The following GALNTL6 variants were observed in gnomAD, a reference collection of about 807,000 sequenced individuals.
The protein encoded by GALNTL6 is polypeptide N-acetylgalactosaminyltransferase like 6.
A neutral mutation model predicts 73.7 loss-of-function variants in GALNTL6; 46 were observed. That is an observed-to-expected ratio of 0.62 (90% CI 0.49 to 0.80). The LOEUF (loss-of-function observed/expected upper bound fraction) is 0.80. Among genes scored for constraint, GALNTL6 ranks in the 30% least tolerant of loss-of-function variants. The pLI is 0.00. For synonymous variants in GALNTL6, 259 were observed against 263.7 expected, an observed-to-expected ratio of 0.98 and a Z score of 0.17; for missense variants, 604 against 755.0, an observed-to-expected ratio of 0.80 and a Z score of 2.34.
chr4:172,644,099 T>A (rs1740115217), intron 5 of GALNTL6, among the ~76,000 whole-genome samples: 1 of 151,960 alleles, frequency 6.6e-6, no homozygotes, highest in Non-Finnish European at 1.5e-5. Flanking sequence ...TGTGTAATGG[T>A]ATCATATTGG....
chr4:172,624,364 G>A (rs1389658134), intron 5 of GALNTL6, among the ~76,000 whole-genome samples: 1 of 151,348 alleles, frequency 6.6e-6, no homozygotes, highest in Non-Finnish European at 1.5e-5. Flanking sequence ...CAATTGTGTG[G>A]TTTTTGGTTC....
At chr4:172,322,687 A>T (rs903503540) in intron 4 of GALNTL6, among the ~76,000 whole-genome samples, 2 of 152,044 alleles carry the variant, frequency 1.3e-5, no homozygotes, top group Non-Finnish European at 1.5e-5. Context: ...TCTCGTGAGA[A>T]TTCTATGGGA....
rs558729571 is a variant in GALNTL6, at chr4:171,883,387, A to G, written c.138+68669A>G. Among the ~76,000 whole-genome samples the G allele has an allele frequency of 2.2e-4, 34 of 152,144 alleles. 1 individual carries two copies. The highest frequency in any genetic ancestry group is 6.5e-4 in the African/African-American group (27 of 41,514). On this transcript the variant is annotated intron_variant, in intron 2 of 12. Transcript: ENST00000506823. ...TAAAAATAAAAGTAAAATAAAATACATTACTTTTGGACAGGGAACATGTCT... is the reference window on the plus strand; with the variant it reads ...TAAAAATAAAAGTAAAATAAAATACGTTACTTTTGGACAGGGAACATGTCT...
chr4:172,976,965 C>T (rs1579733456), intron 10 of GALNTL6, among the ~76,000 whole-genome samples: 1 of 152,208 alleles, frequency 6.6e-6, no homozygotes, highest in East Asian at 1.9e-4. Flanking sequence ...TGAGTAAAAT[C>T]AGTGCATTTG....
At chr4:173,018,881 T>C (rs907201265) in intron 11 of GALNTL6, among the ~76,000 whole-genome samples, 19 of 152,176 alleles carry the variant, frequency 1.2e-4, no homozygotes, top group African/African-American at 4.1e-4. Flanking sequence ...CTAGGGGTTA[T>C]GTGAAAAGGT....
intron 2 of GALNTL6, among the ~76,000 whole-genome samples, chr4:171,884,187 C>A (rs1164842594): frequency 6.6e-6 from 1 of 152,152 alleles, no homozygotes; most frequent in African/African-American, 2.4e-5. Flanking sequence ...TCCTGAATTA[C>A]CAAATCTTTG....
At chr4:172,254,393 T>C (rs1202732889) in intron 3 of GALNTL6, among the ~76,000 whole-genome samples, 1 of 151,810 alleles carries the variant, frequency 6.6e-6, no homozygotes, top group Non-Finnish European at 1.5e-5. Context: ...ATTCTAATGA[T>C]ACAAGTCGTT....
chr4:172,556,167 G>A (rs1736133267), intron 5 of GALNTL6, among the ~76,000 whole-genome samples: 1 of 151,928 alleles, frequency 6.6e-6, no homozygotes. Flanking sequence ...TCATAATATA[G>A]TGAAATAGGG....
chr4:171,820,052 T>C lies in GALNTL6; in HGVS notation c.138+5334T>C, dbSNP rs112355649. ...TAATGATTTCTAAATTATCTCAAAA[T>C]GTAGTCGTAATGCTTGAATGGACAA... is the stretch of plus-strand genomic sequence containing the variant. On this transcript the variant is annotated intron_variant, in intron 2 of 12. Transcript: ENST00000506823. Among the ~76,000 whole-genome samples the C allele has an allele frequency of 3.5e-4, 54 of 152,230 alleles. 1 individual carries two copies. Among genetic ancestry groups the C allele is most frequent in the African/African-American group, 1.3e-3 (54 of 41,556 alleles).
At chr4:172,755,140 A>G (rs1164561650) in intron 5 of GALNTL6, among the ~76,000 whole-genome samples, 1 of 152,124 alleles carries the variant, frequency 6.6e-6, no homozygotes, top group African/African-American at 2.4e-5. Flanking sequence ...ATTCTACTAC[A>G]TCATTCAGAA....
chr4:172,436,273 T>C (rs1318695504), intron 5 of GALNTL6, among the ~76,000 whole-genome samples: 1 of 152,148 alleles, frequency 6.6e-6, no homozygotes, highest in African/African-American at 2.4e-5. Context: ...CACCAGATGC[T>C]TTTGACATAG....
chr4:171,932,296 C>T (rs975950896), intron 2 of GALNTL6, among the ~76,000 whole-genome samples: 13 of 152,182 alleles, frequency 8.5e-5, no homozygotes, highest in Admixed American at 8.5e-4. Context: ...AATTTTGAAG[C>T]TTGGCAAATG....
rs144309715 is a variant in GALNTL6, at chr4:172,202,430, T to C, written c.139-27226T>C. Among the ~76,000 whole-genome samples, 633 of 152,316 alleles carry C rather than the reference T, an allele frequency of 4.2e-3. 3 individuals carry two copies. Among genetic ancestry groups the C allele is most frequent in the African/African-American group, 0.014 (591 of 41,580 alleles). On this transcript the variant is annotated intron_variant, in intron 2 of 12. Transcript: ENST00000506823. ...AATATGTTTATTATTCCTTAAGTTTTTGGATAGTGTAATATTAGTGTTGAA... is the reference window on the plus strand; with the variant it reads ...AATATGTTTATTATTCCTTAAGTTTCTGGATAGTGTAATATTAGTGTTGAA...
chr4:172,431,803 G>A (rs187070448), intron 5 of GALNTL6, among the ~76,000 whole-genome samples: 90 of 152,080 alleles, frequency 5.9e-4, no homozygotes, highest in African/African-American at 1.8e-3. Context: ...TTACATAATG[G>A]TAATTTTATA....
intron 5 of GALNTL6, among the ~76,000 whole-genome samples, chr4:172,775,322 G>A (rs1423088644): frequency 1.3e-5 from 2 of 152,098 alleles, no homozygotes; most frequent in African/African-American, 4.8e-5. Context: ...ATAATTAAGT[G>A]ATTATTTGAG....
chr4:171,952,636 T>C (rs909494640), intron 2 of GALNTL6, among the ~76,000 whole-genome samples: 1 of 152,050 alleles, frequency 6.6e-6, no homozygotes, highest in African/African-American at 2.4e-5. Context: ...AAAAAACATT[T>C]GATAAAATTT....
At chr4:172,265,266 A>T (rs1458382577) in intron 3 of GALNTL6, among the ~76,000 whole-genome samples, 1 of 152,008 alleles carries the variant, frequency 6.6e-6, no homozygotes, top group East Asian at 1.9e-4. Flanking sequence ...GTAAGGTTAC[A>T]AAATAGTCAT....
chr4:172,241,981 A>G (rs566027496), intron 3 of GALNTL6, among the ~76,000 whole-genome samples: 1 of 152,296 alleles, frequency 6.6e-6, no homozygotes, highest in African/African-American at 2.4e-5. Context: ...TTTCAATACA[A>G]ATTCCTTTAA....
At chr4:171,879,888 G>A (rs1423871129) in intron 2 of GALNTL6, among the ~76,000 whole-genome samples, 1 of 152,106 alleles carries the variant, frequency 6.6e-6, no homozygotes, top group Non-Finnish European at 1.5e-5. Context: ...TTTCAAACAA[G>A]TATTTTGTTA....
Sources: gnomAD v4.1 joint callset for allele counts (sites outside exome capture counted in the v4.1 genomes callset) on GRCh38, gnomAD v4.1.1 for gene constraint, MANE v1.5 for transcripts, NCBI Gene and HGNC (gene_info 2026-07-23, HGNC 2026-07-21) for gene names.